Variants in TENM4 observed in about 807,000 individuals in gnomAD.
TENM4 encodes the protein teneurin-4.
Under a neutral mutation model 243.3 loss-of-function variants are expected in TENM4, and 82 were observed. That is an observed-to-expected ratio of 0.34 (90% CI 0.28 to 0.40). The LOEUF is 0.40. Among genes scored for constraint, TENM4 ranks in the 10% least tolerant of loss-of-function variants. The pLI is 1.00. For missense variants in TENM4, 3,138 were observed against 3,673.3 expected, an observed-to-expected ratio of 0.85 and a Z score of 3.77; for synonymous variants, 1,412 against 1,456.3, an observed-to-expected ratio of 0.97 and a Z score of 0.69.
intron 6 of TENM4, among the ~76,000 whole-genome samples, chr11:79,057,822 T>C (rs1193849981): frequency 6.6e-6 from 1 of 152,102 alleles, no homozygotes; most frequent in Non-Finnish European, 1.5e-5. Context: ...CGCGCTTATG[T>C]CCTAGCCTCA....
At chr11:78,659,658 C>T (rs1380897162) in intron 33 of TENM4, among the ~76,000 whole-genome samples, 4 of 152,196 alleles carry the variant, frequency 2.6e-5, no homozygotes, top group Admixed American at 6.5e-5. Context: ...TGCTTCACTG[C>T]TCTCCACTGC....
intron 1 of TENM4, among the ~76,000 whole-genome samples, chr11:79,397,296 T>A (rs1454693235): frequency 6.6e-6 from 1 of 152,218 alleles, no homozygotes; most frequent in Non-Finnish European, 1.5e-5. Context: ...TAGGTATTAC[T>A]GTTATTAACA....
rs1266402207 is a variant in TENM4, at chr11:79,144,003, G to A, written c.-66+4707C>T. On this transcript the variant is annotated intron_variant, in intron 4 of 33. Coordinates refer to ENST00000278550, the MANE Select transcript of TENM4 (RefSeq NM_001098816.3). Reference sequence around the variant, plus strand: ...AGCAAAGAAAAACAATATCAACAAAGTAAAGAGACAACCCACAGAATGGGA... The same window carrying A: ...AGCAAAGAAAAACAATATCAACAAAATAAAGAGACAACCCACAGAATGGGA... Among the ~76,000 whole-genome samples, 4 of 151,916 alleles carry A rather than the reference G, an allele frequency of 2.6e-5. No individual in the cohort carries two copies. In the East Asian group the frequency reaches 7.7e-4, roughly 29 times the overall value.
At chr11:79,240,171 C>T (rs966311912) in intron 2 of TENM4, among the ~76,000 whole-genome samples, 2 of 152,098 alleles carry the variant, frequency 1.3e-5, no homozygotes, top group Non-Finnish European at 2.9e-5. Flanking sequence ...AGGGTGATAA[C>T]AGCACCTACC....
At chr11:79,263,640 G>C (rs538569884) in intron 2 of TENM4, among the ~76,000 whole-genome samples, 4 of 152,200 alleles carry the variant, frequency 2.6e-5, no homozygotes, top group South Asian at 2.1e-4. Context: ...CTTGTTGCAG[G>C]TGGTATGCAG....
intron 9 of TENM4, among the ~76,000 whole-genome samples, chr11:78,879,039 T>A (rs1243313802): frequency 6.6e-6 from 1 of 150,798 alleles, no homozygotes; most frequent in Non-Finnish European, 1.5e-5. Flanking sequence ...CGTCTCTGCC[T>A]GGCTGCCCCA....
intron 16 of TENM4, among the ~76,000 whole-genome samples, chr11:78,783,285 C>A (rs913603705): frequency 6.6e-6 from 1 of 152,244 alleles, no homozygotes; most frequent in African/African-American, 2.4e-5. Context: ...CACTTGGTGA[C>A]TCTCTGTCAA....
chr11:79,427,311 A>G (rs1279974764), intron 1 of TENM4, among the ~76,000 whole-genome samples: 2 of 152,240 alleles, frequency 1.3e-5, no homozygotes, highest in Non-Finnish European at 2.9e-5. Context: ...ACAGACAACT[A>G]CATGAAAATG....
intron 20 of TENM4, among the ~76,000 whole-genome samples, chr11:78,734,693 C>T (rs992175231): frequency 6.6e-6 from 1 of 152,170 alleles, no homozygotes; most frequent in Non-Finnish European, 1.5e-5. Context: ...CTCCCCCACA[C>T]AGCCTTACCC....
intron 5 of TENM4, among the ~76,000 whole-genome samples, chr11:79,065,229 T>G (rs1268523486): frequency 6.6e-6 from 1 of 152,122 alleles, no homozygotes; most frequent in Admixed American, 6.5e-5. Context: ...AAGCCTCAAC[T>G]CAAATGGCAC....
chr11:78,701,403 T>C (rs1040016094), intron 28 of TENM4, 123 bp downstream of exon 28: 1 of 1,245,216 alleles, frequency 8.0e-7, no homozygotes, highest in Non-Finnish European at 1.1e-6. Flanking sequence ...ATGTAGAATG[T>C]ATTATAAGTA....
intron 18 of TENM4, among the ~76,000 whole-genome samples, chr11:78,761,712 G>A (rs1350837588): frequency 6.6e-6 from 1 of 151,934 alleles, no homozygotes; most frequent in East Asian, 1.9e-4. Flanking sequence ...CCCCAGCCCC[G>A]ACAAGCCATG....
At chr11:78,728,482 C>T (rs1295071829) in intron 22 of TENM4, among the ~76,000 whole-genome samples, 1 of 151,812 alleles carries the variant, frequency 6.6e-6, no homozygotes, top group Non-Finnish European at 1.5e-5. Flanking sequence ...CTCTTCCTCC[C>T]TCCCTTCCTT....
rs74627904 is a variant in TENM4 at position 78,851,771 on chromosome 11, C to G, written c.1681+2333G>C. Among the ~76,000 whole-genome samples, 12 of 152,282 alleles carry G rather than the reference C, an allele frequency of 7.9e-5. No individual in the cohort carries two copies. In the East Asian group the frequency reaches 2.3e-3, roughly 29 times the overall value. ...GCCAAGTGACAGCCTAACAAGATGA[C>G]GGCCAGACTGGGGCCTCTGATGACA... On this transcript the variant is annotated intron_variant, in intron 12 of 33. Coordinates refer to ENST00000278550, the MANE Select transcript of TENM4 (RefSeq NM_001098816.3).
chr11:79,260,917 G>A (rs1348782270), intron 2 of TENM4, among the ~76,000 whole-genome samples: 4 of 152,152 alleles, frequency 2.6e-5, no homozygotes, highest in Admixed American at 6.5e-5. Flanking sequence ...GGACAACTGG[G>A]CTATGAAAAC....
At chr11:78,939,683 T>C (rs1411126557) in intron 6 of TENM4, among the ~76,000 whole-genome samples, 1 of 152,196 alleles carries the variant, frequency 6.6e-6, no homozygotes, top group Non-Finnish European at 1.5e-5. Flanking sequence ...ACCTACTTCA[T>C]GGAACTGCAA....
chr11:78,777,438 T>C (rs1241368616), intron 17 of TENM4, among the ~76,000 whole-genome samples: 1 of 152,220 alleles, frequency 6.6e-6, no homozygotes, highest in Non-Finnish European at 1.5e-5. Context: ...AAAGCCAATT[T>C]AGCCTTTTCC....
chr11:78,894,512 A>G (rs576938662), intron 7 of TENM4, among the ~76,000 whole-genome samples: 1 of 152,202 alleles, frequency 6.6e-6, no homozygotes. Context: ...AAAAAGAGAG[A>G]CTGGACAATT....
chr11:78,982,962 C>A (rs1286708440), intron 6 of TENM4, among the ~76,000 whole-genome samples: 1 of 152,230 alleles, frequency 6.6e-6, no homozygotes, highest in African/African-American at 2.4e-5. Context: ...CACACAGTGG[C>A]CTGGGTCTGA....
Sources: gnomAD v4.1 joint callset for allele counts (sites outside exome capture counted in the v4.1 genomes callset) on GRCh38, gnomAD v4.1.1 for gene constraint, MANE v1.5 for transcripts, NCBI Gene and HGNC (gene_info 2026-07-23, HGNC 2026-07-21) for gene names.